EXOC4: variants seen among roughly 807,000 people sequenced by gnomAD.
The protein encoded by EXOC4 is SEC8-like 1.
In EXOC4, 71 loss-of-function variants were observed where a neutral mutation model predicts 107.2. That is an observed-to-expected ratio of 0.66 (90% CI 0.55 to 0.81). EXOC4 has a LOEUF of 0.81. EXOC4 is among the 30% of genes least tolerant of loss of function. The pLI is 0.00. For synonymous variants in EXOC4, 456 were observed against 441.2 expected (o/e 1.03, Z -0.42); for missense variants, 1,108 against 1,189.6 (o/e 0.93, Z 1.01).
intron 1 of EXOC4, among the ~76,000 whole-genome samples, chr7:133,272,985 C>T (rs1166931328): frequency 6.6e-6 from 1 of 151,994 alleles, no homozygotes; most frequent in African/African-American, 2.4e-5. Flanking sequence ...GGTAGTGGAG[C>T]GGAAATCATG....
intron 10 of EXOC4, among the ~76,000 whole-genome samples, chr7:133,804,870 T>C (rs1797036224): frequency 6.6e-6 from 1 of 152,232 alleles, no homozygotes; most frequent in Non-Finnish European, 1.5e-5. Context: ...TCTTTCTTCC[T>C]TATCTTGCTT....
intron 9 of EXOC4, among the ~76,000 whole-genome samples, chr7:133,559,469 C>G (rs1800767072): frequency 6.6e-6 from 1 of 152,028 alleles, no homozygotes; most frequent in Non-Finnish European, 1.5e-5. Context: ...AAAAAAGGGT[C>G]TCAGTATCTT....
At chr7:133,614,237 T>C (rs927683009) in intron 9 of EXOC4, among the ~76,000 whole-genome samples, 2 of 152,136 alleles carry the variant, frequency 1.3e-5, no homozygotes, top group African/African-American at 2.4e-5. Context: ...CTCTACTCTT[T>C]TGTGCAAATG....
intron 10 of EXOC4, among the ~76,000 whole-genome samples, chr7:133,647,333 A>C (rs2991230): frequency 0.43 from 64,658 of 151,972 alleles, 14,727 homozygotes; most frequent in Admixed American, 0.57. Context: ...GGTCACAATC[A>C]ACTCAAATAA....
At chr7:133,356,678 T>A in intron 6 of EXOC4, 105 bp downstream of exon 6, 2 of 1,329,628 alleles carry the variant, frequency 1.5e-6, no homozygotes, top group South Asian at 1.4e-5. Context: ...TTCTTGAACT[T>A]AGGATACTAT....
intron 10 of EXOC4, among the ~76,000 whole-genome samples, chr7:133,784,615 T>C (rs1227249796): frequency 6.6e-6 from 1 of 152,230 alleles, no homozygotes; most frequent in African/African-American, 2.4e-5. Flanking sequence ...ATGACATCAC[T>C]GAGTCTTAAA....
At chr7:133,547,220 A>G (rs1334144062) in intron 9 of EXOC4, among the ~76,000 whole-genome samples, 2 of 152,214 alleles carry the variant, frequency 1.3e-5, no homozygotes, top group African/African-American at 4.8e-5. Context: ...TTATGTTTAC[A>G]CTATAGTGTA....
intron 14 of EXOC4, among the ~76,000 whole-genome samples, chr7:133,954,676 C>G (rs1002112819): frequency 1.3e-5 from 2 of 152,226 alleles, no homozygotes; most frequent in Non-Finnish European, 1.5e-5. Context: ...GAGTTTTGCT[C>G]AGGACCACTG....
At chr7:133,282,642 A>G (rs1349558156) in intron 2 of EXOC4, among the ~76,000 whole-genome samples, 2 of 151,788 alleles carry the variant, frequency 1.3e-5, no homozygotes, top group Admixed American at 1.3e-4. Flanking sequence ...TTTTTTTTTA[A>G]TTTTTAAAAA....
At chr7:133,452,554 G>C (rs1162452010) in intron 7 of EXOC4, among the ~76,000 whole-genome samples, 3 of 149,364 alleles carry the variant, frequency 2.0e-5, no homozygotes, top group African/African-American at 7.4e-5. Context: ...TCATGCTCCA[G>C]TCAACCTTTA....
chr7:133,780,326 T>C (rs1050838203), intron 10 of EXOC4, among the ~76,000 whole-genome samples: 2 of 152,100 alleles, frequency 1.3e-5, no homozygotes, highest in East Asian at 1.9e-4. Context: ...AGCCATACTT[T>C]TAGCGTTTTT....
intron 9 of EXOC4, among the ~76,000 whole-genome samples, chr7:133,585,483 CA>C (rs1285896848): frequency 1.3e-5 from 2 of 151,954 alleles, no homozygotes; most frequent in Non-Finnish European, 2.9e-5. Flanking sequence ...TGTCATTGGC[CA>C]GGGGTGGTGG....
intron 5 of EXOC4, among the ~76,000 whole-genome samples, chr7:133,319,375 G>A (rs1795059044): frequency 6.6e-6 from 1 of 152,188 alleles, no homozygotes; most frequent in Non-Finnish European, 1.5e-5. Flanking sequence ...GGAGTTCATG[G>A]TGACACTCTG....
chr7:133,333,175 T>G (rs1329518674), intron 5 of EXOC4, among the ~76,000 whole-genome samples: 1 of 152,242 alleles, frequency 6.6e-6, no homozygotes, highest in Non-Finnish European at 1.5e-5. Flanking sequence ...ATTCATTAAT[T>G]GTTTAAATCA....
chr7:133,500,592 C>A (rs1243650176), intron 9 of EXOC4, among the ~76,000 whole-genome samples: 1 of 152,116 alleles, frequency 6.6e-6, no homozygotes, highest in African/African-American at 2.4e-5. Context: ...AATAATGCTG[C>A]CCTGAACATT....
chr7:133,646,420 A>G (rs539081482), intron 10 of EXOC4, among the ~76,000 whole-genome samples: 1 of 152,352 alleles, frequency 6.6e-6, no homozygotes, highest in East Asian at 1.9e-4. Flanking sequence ...TCTTCTAAAT[A>G]CTACTTATAT....
chr7:133,864,413 ACCT>A (rs1311119911), intron 11 of EXOC4, among the ~76,000 whole-genome samples: 2 of 152,016 alleles, frequency 1.3e-5, no homozygotes, highest in Non-Finnish European at 2.9e-5. Flanking sequence ...ACTCTACTAC[ACCT>A]CCTCTTTTGG....
At chr7:134,026,422 A>C (rs770108477) in intron 17 of EXOC4, among the ~76,000 whole-genome samples, 1 of 151,514 alleles carries the variant, frequency 6.6e-6, no homozygotes, top group Admixed American at 6.6e-5. Context: ...GACAATTTCA[A>C]ATCACCCACC....
At chr7:133,455,112 A>C (rs1419935460) in intron 7 of EXOC4, among the ~76,000 whole-genome samples, 1 of 152,046 alleles carries the variant, frequency 6.6e-6, no homozygotes. Flanking sequence ...ATAAATAAAA[A>C]GTTTAAGTTA....
Sources: allele counts gnomAD v4.1 joint callset (sites outside exome capture counted in the v4.1 genomes callset), GRCh38; gene constraint gnomAD v4.1.1; transcripts MANE v1.5; gene names NCBI Gene and HGNC (gene_info 2026-07-23, HGNC 2026-07-21).